Variants in DPY19L1 observed in about 807,000 individuals in gnomAD.
The protein encoded by DPY19L1 is protein C-mannosyl-transferase DPY19L1.
A neutral mutation model predicts 96.9 loss-of-function variants in DPY19L1; 35 were observed. That is an observed-to-expected ratio of 0.36 (90% CI 0.28 to 0.48). The LOEUF (loss-of-function observed/expected upper bound fraction) is 0.48, where lower values mean the gene tolerates loss of function less well. Among genes scored for constraint, DPY19L1 ranks in the 20% least tolerant of loss-of-function variants. The pLI, the probability that DPY19L1 is intolerant of heterozygous loss-of-function variation, is 0.99. For synonymous variants in DPY19L1, 205 were observed against 252.6 expected (o/e 0.81, Z 1.79); for missense variants, 521 against 777.9 (o/e 0.67, Z 3.93).
chr7:34,962,723 C>G (rs1784525770), intron 10 of DPY19L1, among the ~76,000 whole-genome samples: 1 of 151,876 alleles, frequency 6.6e-6, no homozygotes, highest in South Asian at 2.1e-4. Context: ...ACACAACAAC[C>G]ACCCGTAGAA....
intron 7 of DPY19L1, among the ~76,000 whole-genome samples, chr7:34,976,083 A>G (rs1784824677): frequency 6.6e-6 from 1 of 152,214 alleles, no homozygotes; most frequent in African/African-American, 2.4e-5. Context: ...ATTATTTAAG[A>G]GATATGTTTC....
At chr7:34,948,012 T>C (rs773884600) in intron 14 of DPY19L1, among the ~76,000 whole-genome samples, 3 of 152,176 alleles carry the variant, frequency 2.0e-5, no homozygotes, top group Non-Finnish European at 4.4e-5. Context: ...ATCTAAGGTA[T>C]GTAAAGCTCC....
At chr7:35,022,158 G>C (rs1424724193) in intron 1 of DPY19L1, among the ~76,000 whole-genome samples, 2 of 152,094 alleles carry the variant, frequency 1.3e-5, no homozygotes. Flanking sequence ...GTTTTTGAGA[G>C]TGTAACAAAA....
intron 7 of DPY19L1, among the ~76,000 whole-genome samples, chr7:34,978,124 C>T (rs117695216): frequency 0.028 from 4,254 of 152,112 alleles, 70 homozygotes; most frequent in Non-Finnish European, 0.044. Flanking sequence ...ACAGTATGAT[C>T]TAATTGATTT....
chr7:35,034,876 T>C (rs1039045376), intron 1 of DPY19L1, among the ~76,000 whole-genome samples: 3 of 152,218 alleles, frequency 2.0e-5, no homozygotes, highest in Non-Finnish European at 2.9e-5. Context: ...ACAGCTATTT[T>C]AAAGTCCCAC....
In DPY19L1 at chr7:34,931,289, T is replaced by TTA. The variant is rs1276923300; in HGVS notation, c.*282_*283dup. On this transcript the variant is annotated 3_prime_UTR_variant, in exon 22 of 22. Coordinates refer to ENST00000638088, the MANE Select transcript of DPY19L1 (RefSeq NM_001366673.1). ...CTTGTCACAACCCACTGTGTTTTCT[T>TTA]TATACAGGTAGCTTTGCTCACTTTA... is the stretch of plus-strand genomic sequence containing the variant. 1.0e-4 allele frequency: 23 copies of TTA among 225,778 alleles called. 1 individual carries two copies. Among genetic ancestry groups the TTA allele is most frequent in the Non-Finnish European group, 1.7e-5 (2 of 118,260 alleles). The allele number at this position is 225,778 out of a possible 1,614,324, so 14.0% of individuals were successfully genotyped here. A position where few individuals can be genotyped will look rare whatever the true frequency, so the allele number is the denominator to read the frequency against.
rs750401102 is a variant in DPY19L1, at chr7:34,942,648, GA to G, written c.1545-10del. ...GATCAAACTGGTGTTTTCTGGAACA[GA>G]AAAAAATATATTGCCATCAATTCAT... On this transcript the variant is annotated splice_polypyrimidine_tract_variant and intron_variant, in intron 16 of 21. Coordinates refer to ENST00000638088, the MANE Select transcript of DPY19L1 (RefSeq NM_001366673.1). 6 of 1,584,720 alleles carry G rather than the reference GA, an allele frequency of 3.8e-6. No individual in the cohort carries two copies. The highest frequency in any genetic ancestry group is 2.3e-5 in the East Asian group (1 of 44,172).
At chr7:34,993,949 C>T (rs1785228589) in intron 6 of DPY19L1, among the ~76,000 whole-genome samples, 1 of 151,934 alleles carries the variant, frequency 6.6e-6, no homozygotes. Context: ...AACTGTAGTC[C>T]CAGCTACTCA....
At position 34,940,304 on chromosome 7, in the gene DPY19L1, T is replaced by G; in HGVS notation, c.1713A>C (p.Lys571Asn). The G allele has an allele frequency of 1.2e-6, 2 of 1,608,244 alleles. No homozygotes were observed. Among genetic ancestry groups the G allele is most frequent in the Non-Finnish European group, 1.7e-6 (2 of 1,178,830 alleles). The change falls in exon 19 of 22, where the codon AAA (lysine) becomes AAC (asparagine). Residue 571 changes from lysine (K) to asparagine (N), a missense_variant. Physicochemically the swap from Lys to Asn is moderately conservative, Grantham distance 94. Transcript: ENST00000638088. ...CAAACACAATAGCACCAGGATGTAC[T>G]TTGCAAAAGAGCCATCCAAATAGCT... ...SRQLFGWLFCKVHPGAIVFAI... is the reference protein window; with the variant it reads ...SRQLFGWLFCNVHPGAIVFAI...
chr7:35,001,681 T>C (rs1314437371), intron 6 of DPY19L1, among the ~76,000 whole-genome samples: 1 of 152,162 alleles, frequency 6.6e-6, no homozygotes, highest in East Asian at 1.9e-4. Context: ...ATTCAAACTA[T>C]ATAAAAACTC....
In DPY19L1 at chr7:34,931,647, T is replaced by C. The variant is rs773205853; in HGVS notation, c.2173A>G (p.Lys725Glu). The C allele has an allele frequency of 1.9e-6, 3 of 1,600,008 alleles. No individual in the cohort carries two copies. Among genetic ancestry groups the C allele is most frequent in the Admixed American group, 1.7e-5 (1 of 57,956 alleles). ...GKTPLCNLLV[K>E]DSKPHFTTVF... The stretch of plus-strand genomic sequence containing the variant: ...GTGGTGAAGTGAGGTTTGGAATCCT[T>C]CACCAAGAGGTTACATAAGGGAGTT... Residue 725 changes from lysine to glutamate, a missense_variant, in exon 22 of 22, where the codon AAG becomes GAG. Transcript: ENST00000638088.
At chr7:35,033,489 G>C (rs1220077752) in intron 1 of DPY19L1, among the ~76,000 whole-genome samples, 3 of 152,160 alleles carry the variant, frequency 2.0e-5, no homozygotes, top group African/African-American at 7.2e-5. Flanking sequence ...GACTATGAAT[G>C]AACTTACTGT....
intron 8 of DPY19L1, among the ~76,000 whole-genome samples, chr7:34,972,686 T>C (rs1295484102): frequency 6.6e-6 from 1 of 152,180 alleles, no homozygotes; most frequent in Non-Finnish European, 1.5e-5. Flanking sequence ...AGTTAAAGGT[T>C]ATGAATTCAT....
intron 7 of DPY19L1, among the ~76,000 whole-genome samples, chr7:34,989,114 A>G (rs548693683): frequency 6.6e-6 from 1 of 152,320 alleles, no homozygotes; most frequent in Admixed American, 6.5e-5. Flanking sequence ...TTTTTACAAT[A>G]CTGTTGTCTT....
chr7:34,948,147 CT>C (rs1261675320), intron 14 of DPY19L1, among the ~76,000 whole-genome samples: 3 of 151,188 alleles, frequency 2.0e-5, no homozygotes, highest in Non-Finnish European at 4.4e-5. Flanking sequence ...GAACAAAAGG[CT>C]TTTACATTTT....
chr7:35,011,312 T>C lies in DPY19L1; in HGVS notation c.670+18A>G, dbSNP rs776684419. The C allele has an allele frequency of 3.1e-6, 5 of 1,610,362 alleles. No individual in the cohort carries two copies. Among genetic ancestry groups the C allele is most frequent in the Non-Finnish European group, 4.2e-6 (5 of 1,179,192 alleles). On this transcript the variant is annotated intron_variant, in intron 5 of 21. Coordinates refer to ENST00000638088, the MANE Select transcript of DPY19L1 (RefSeq NM_001366673.1). ...TGTTACAACAGATAACTGGACAATA[T>C]TACAGAAAGAAACTTACCTTCACAG...
chr7:34,950,680 T>C (rs917981576), intron 13 of DPY19L1, among the ~76,000 whole-genome samples: 14 of 152,112 alleles, frequency 9.2e-5, no homozygotes, highest in Non-Finnish European at 1.5e-4. Flanking sequence ...GTGGCAGGTA[T>C]GTGATGAAGC....
At chr7:34,953,620 C>T (rs1784313959) in intron 13 of DPY19L1, among the ~76,000 whole-genome samples, 1 of 152,096 alleles carries the variant, frequency 6.6e-6, no homozygotes, top group Non-Finnish European at 1.5e-5. Context: ...AGGAATTGTT[C>T]CTATTTTCCG....
chr7:34,999,658 G>A (rs897021748), intron 6 of DPY19L1, among the ~76,000 whole-genome samples: 2 of 152,192 alleles, frequency 1.3e-5, no homozygotes, highest in South Asian at 4.1e-4. Flanking sequence ...GGCCCCAGGG[G>A]ATAGGAGTGG....
Sources: gnomAD v4.1 joint callset for allele counts (sites outside exome capture counted in the v4.1 genomes callset) on GRCh38, gnomAD v4.1.1 for gene constraint, MANE v1.5 for transcripts, NCBI Gene and HGNC (gene_info 2026-07-23, HGNC 2026-07-21) for gene names.